LANCL3: variants seen among roughly 807,000 people sequenced by gnomAD.
LANCL3 encodes the protein lanC-like protein 3.
LANCL3 carries 19 observed loss-of-function variants against 26.5 expected under a neutral mutation model. That is an observed-to-expected ratio of 0.72 (90% CI 0.50 to 1.05). The LOEUF (loss-of-function observed/expected upper bound fraction) is 1.05, where lower values mean the gene tolerates loss of function less well. LANCL3 is among the 50% of genes least tolerant of loss of function. The pLI is 0.00. For synonymous variants in LANCL3, 160 were observed against 166.6 expected (o/e 0.96, Z 0.30); for missense variants, 318 against 362.7 (o/e 0.88, Z 1.00).
chrX:37,583,317 T>G (rs1556417343), intron 1 of LANCL3, among the ~76,000 whole-genome samples: 1 of 112,038 alleles, frequency 8.9e-6, no homozygotes, highest in East Asian at 2.8e-4. Flanking sequence ...TTTGATTCCA[T>G]ATGAACTTTA....
chrX:37,615,145 G>A (rs955585232), intron 1 of LANCL3, among the ~76,000 whole-genome samples: 18 of 111,814 alleles, frequency 1.6e-4, no homozygotes, highest in African/African-American at 5.2e-4. Context: ...TGGCCTCAGA[G>A]CCTGCTCCCT....
Position 37,676,782 on chromosome X carries a change from T to C in LANCL3, c.*969T>C, listed in dbSNP as rs781964502. 1.3e-4 allele frequency: 14 copies of C among 111,660 alleles called. No homozygotes were observed. In the East Asian group the frequency reaches 3.1e-3, roughly 25 times the overall value. The allele number at this position is 111,660 out of a possible 1,213,427, so 9.2% of individuals were successfully genotyped here. A position where few individuals can be genotyped will look rare whatever the true frequency, so the allele number is the denominator to read the frequency against. On this transcript the variant is annotated 3_prime_UTR_variant, in exon 5 of 5. Transcript: ENST00000378619. ...GACAGGCTGAGGAAGTCACCAGTGA[T>C]TGTGGAAATAATTTTGCTCCATTTT...
At chrX:37,669,065 TTTA>T (rs1556435094) in intron 4 of LANCL3, among the ~76,000 whole-genome samples, 3 of 112,269 alleles carry the variant, frequency 2.7e-5, no homozygotes, top group Non-Finnish European at 5.6e-5. Context: ...AAATTTGAGT[TTTA>T]TAATTCCAGA....
intron 1 of LANCL3, among the ~76,000 whole-genome samples, chrX:37,605,283 G>T (rs1175639024): frequency 2.7e-5 from 3 of 111,785 alleles, no homozygotes; most frequent in African/African-American, 9.8e-5. Context: ...AAAAAGATGG[G>T]ATAGTGATTA....
At chrX:37,629,268 G>A (rs1925409268) in intron 1 of LANCL3, among the ~76,000 whole-genome samples, 1 of 106,802 alleles carries the variant, frequency 9.4e-6, no homozygotes, top group African/African-American at 3.4e-5. Flanking sequence ...GTCTGTTCAT[G>A]TCCTTCGCCC....
chrX:37,632,975 T>C (rs1165851522), intron 1 of LANCL3, among the ~76,000 whole-genome samples: 1 of 111,424 alleles, frequency 9.0e-6, no homozygotes, highest in African/African-American at 3.3e-5. Flanking sequence ...GCATTCTCTG[T>C]ATTTTCTGAA....
rs993397066 is a variant in LANCL3 at position 37,633,426 on chromosome X, C to G, written c.574-22262C>G. Among the ~76,000 whole-genome samples, 3 of 111,657 alleles carry G rather than the reference C, an allele frequency of 2.7e-5. No individual in the cohort carries two copies. In the Admixed American group the frequency reaches 2.9e-4, roughly 11 times the overall value. On this transcript the variant is annotated intron_variant, in intron 1 of 4. Transcript: ENST00000378619. Reference sequence around the variant, plus strand: ...GATCATCTGAAGCCTTCTTCTCTCACCTCGTCAAAGTCATTCTCCATCCAG... The same window carrying G: ...GATCATCTGAAGCCTTCTTCTCTCAGCTCGTCAAAGTCATTCTCCATCCAG...
chrX:37,624,011 T>C (rs1163125786), intron 1 of LANCL3, among the ~76,000 whole-genome samples: 2 of 112,546 alleles, frequency 1.8e-5, no homozygotes, highest in South Asian at 3.7e-4. Flanking sequence ...TTCATTTAAC[T>C]AGTACCCTAG....
At chrX:37,640,611 T>A (rs952269673) in intron 1 of LANCL3, among the ~76,000 whole-genome samples, 4 of 111,740 alleles carry the variant, frequency 3.6e-5, no homozygotes, top group Admixed American at 2.8e-4. Context: ...AACAAATCTT[T>A]GTCTAAGACA....
At chrX:37,600,792 G>T (rs1924556260) in intron 1 of LANCL3, among the ~76,000 whole-genome samples, 1 of 111,566 alleles carries the variant, frequency 9.0e-6, no homozygotes, top group African/African-American at 3.3e-5. Flanking sequence ...CTGTGTTCCT[G>T]GTCTGAGGAC....
chrX:37,598,544 G>A lies in LANCL3; in HGVS notation c.573+26101G>A, dbSNP rs148656903. 8.0e-3 allele frequency among the ~76,000 whole-genome samples: 893 copies of A among 112,136 alleles called. 6 individuals carry two copies. Among genetic ancestry groups the A allele is most frequent in the Non-Finnish European group, 0.014 (718 of 53,158 alleles). On this transcript the variant is annotated intron_variant, in intron 1 of 4. Transcript: ENST00000378619. Reference sequence around the variant, plus strand: ...GAGAAAAATCACTGTCAATCAAAATGACACAACACCTTCTTATCACTTAGG... The same window carrying A: ...GAGAAAAATCACTGTCAATCAAAATAACACAACACCTTCTTATCACTTAGG...
At chrX:37,587,961 A>C (rs1556418352) in intron 1 of LANCL3, among the ~76,000 whole-genome samples, 1 of 112,491 alleles carries the variant, frequency 8.9e-6, no homozygotes, top group Admixed American at 9.4e-5. Flanking sequence ...TAATTATTTA[A>C]AGAGAACATA....
intron 2 of LANCL3, 150 bp downstream of exon 2, chrX:37,655,961 A>C (rs1430782716): frequency 2.4e-6 from 1 of 409,441 alleles, no homozygotes. Flanking sequence ...ACCTATACTG[A>C]TACATAACAC....
rs782252071 is a variant in LANCL3 at position 37,574,704 on chromosome X, C to T, written c.573+2261C>T. On this transcript the variant is annotated intron_variant, in intron 1 of 4. Coordinates refer to ENST00000378619, the MANE Select transcript of LANCL3 (RefSeq NM_001170331.2). ...CAAAGTTATGATTCTTAAAAATAGC[C>T]GAGAAGGCCCCACATGATCTAGCCT... Among the ~76,000 whole-genome samples, 348 of 110,849 alleles carry T rather than the reference C, an allele frequency of 3.1e-3. 1 individual carries two copies. Among genetic ancestry groups the T allele is most frequent in the South Asian group, 0.013 (33 of 2,618 alleles).
chrX:37,675,739 G>A lies in LANCL3; in HGVS notation c.1189G>A (p.Gly397Arg). 2 of 1,161,226 alleles carry A rather than the reference G, an allele frequency of 1.7e-6. No homozygotes were observed. The highest frequency in any genetic ancestry group is 2.3e-6 in the Non-Finnish European group (2 of 868,474). ...ATACAGCTTGTATGAAGGCTTCTCT[G>A]GGACAGTGTGCTTTCTGATTGACCT... ...SIYSLYEGFS[G>R]TVCFLIDLLQ... The change falls in exon 5 of 5, where the codon GGG (glycine) becomes AGG (arginine). Residue 397 changes from glycine (G) to arginine (R), a missense_variant. Gly to Arg is a moderately radical substitution (Grantham distance 125). Transcript: ENST00000378619.
At chrX:37,647,773 TAGA>T (rs1926025595) in intron 1 of LANCL3, among the ~76,000 whole-genome samples, 1 of 112,384 alleles carries the variant, frequency 8.9e-6, no homozygotes, top group Non-Finnish European at 1.9e-5. Context: ...AGGTCAGACT[TAGA>T]ACTGTACTTC....
At chrX:37,639,192 T>TAC (rs1238747365) in intron 1 of LANCL3, among the ~76,000 whole-genome samples, 4 of 102,244 alleles carry the variant, frequency 3.9e-5, no homozygotes, top group Admixed American at 1.1e-4. Context: ...TACATACATA[T>TAC]ACACACACAT....
intron 1 of LANCL3, among the ~76,000 whole-genome samples, chrX:37,586,446 C>G (rs1257880632): frequency 4.5e-5 from 5 of 111,898 alleles, no homozygotes; most frequent in African/African-American, 1.6e-4. Flanking sequence ...ATCAGACGTA[C>G]ATTTGGTCTT....
chrX:37,583,969 C>T (rs1556417431), intron 1 of LANCL3, among the ~76,000 whole-genome samples: 1 of 111,514 alleles, frequency 9.0e-6, no homozygotes, highest in Non-Finnish European at 1.9e-5. Flanking sequence ...ATAGATAGCT[C>T]TTATTATTTT....
Sources: gnomAD v4.1 joint callset for allele counts (sites outside exome capture counted in the v4.1 genomes callset) on GRCh38, gnomAD v4.1.1 for gene constraint, MANE v1.5 for transcripts, NCBI Gene and HGNC (gene_info 2026-07-23, HGNC 2026-07-21) for gene names.